The following RBFOX1 variants were observed in gnomAD, a reference collection of about 807,000 sequenced individuals.
RBFOX1 encodes the protein RNA binding fox-1 homolog 1, also known as RNA binding protein fox-1 homolog 1.
In RBFOX1, 8 loss-of-function variants were observed where a neutral mutation model predicts 57.7. The ratio of observed to expected loss-of-function variants is 0.14; its 90% CI spans 0.08 to 0.25. The LOEUF is 0.25. RBFOX1 is among the 10% of genes least tolerant of loss of function. The pLI, the probability that RBFOX1 is intolerant of heterozygous loss-of-function variation, is 1.00. For synonymous variants in RBFOX1, 326 were observed against 222.4 expected, an observed-to-expected ratio of 1.47 and a Z score of -4.15; for missense variants, 611 against 548.5, an observed-to-expected ratio of 1.11 and a Z score of -1.14.
rs576233270 is a variant in RBFOX1 at position 6,915,228 on chromosome 16, G to C, written c.-15-136829G>C. The stretch of plus-strand genomic sequence containing the variant: ...CACTCCCTTGTTCTCCTAGCAGCTG[G>C]ATGAAGCCTGTGGTCCTCAGCATTT... On this transcript the variant is annotated intron_variant, in intron 3 of 15. Transcript: ENST00000550418. Among the ~76,000 whole-genome samples the C allele has an allele frequency of 2.6e-5, 4 of 152,248 alleles. No individual in the cohort carries two copies. In the South Asian group the frequency reaches 8.3e-4, roughly 32 times the overall value.
At chr16:7,139,115 T>A (rs967107134) in intron 4 of RBFOX1, among the ~76,000 whole-genome samples, 1 of 151,876 alleles carries the variant, frequency 6.6e-6, no homozygotes, top group Non-Finnish European at 1.5e-5. Flanking sequence ...ACTTACAGAT[T>A]TTGATATTCT....
At chr16:5,544,700 A>G (rs939813269) in intron 2 of RBFOX1, among the ~76,000 whole-genome samples, 6 of 152,184 alleles carry the variant, frequency 3.9e-5, no homozygotes, top group African/African-American at 1.4e-4. Flanking sequence ...TTTGTATAGT[A>G]CATACTTATA....
chr16:7,697,232 A>G (rs1003951090), intron 14 of RBFOX1, among the ~76,000 whole-genome samples: 45 of 152,142 alleles, frequency 3.0e-4, no homozygotes, highest in African/African-American at 1.0e-3. Flanking sequence ...TGTGGGTGAG[A>G]AGTGGTCATC....
rs2046968122 is a variant in RBFOX1 at position 5,590,422 on chromosome 16, A to G, written c.259-8480A>G. Among the ~76,000 whole-genome samples, 3 of 152,206 alleles carry G rather than the reference A, an allele frequency of 2.0e-5. No homozygotes were observed. The South Asian group carries it at 6.2e-4, about 32-fold the overall frequency. ...TTTCTAAGTTGGGGGAAATGAGGGT[A>G]GCCTGAGTTCCTTGCTGAAAGTTAA... On this transcript the variant is annotated intron_variant, in intron 2 of 2. Transcript: ENST00000585867.
intron 4 of RBFOX1, among the ~76,000 whole-genome samples, chr16:7,092,353 A>G (rs988444950): frequency 1.3e-5 from 2 of 152,236 alleles, no homozygotes; most frequent in African/African-American, 2.4e-5. Context: ...TGAAGAAGGA[A>G]AAACAAAGCC....
chr16:7,346,031 A>C (rs943863787), intron 4 of RBFOX1, among the ~76,000 whole-genome samples: 2 of 151,956 alleles, frequency 1.3e-5, no homozygotes, highest in Non-Finnish European at 1.5e-5. Flanking sequence ...CCTGTGTCCA[A>C]GTGTTCTCAT....
intron 3 of RBFOX1, among the ~76,000 whole-genome samples, chr16:6,686,468 T>C (rs914414735): frequency 6.6e-6 from 1 of 152,200 alleles, no homozygotes; most frequent in Non-Finnish European, 1.5e-5. Context: ...TTTTGCATAA[T>C]TTAAGCACTA....
chr16:7,286,506 G>A (rs1248594835), intron 4 of RBFOX1, among the ~76,000 whole-genome samples: 1 of 144,004 alleles, frequency 6.9e-6, no homozygotes, highest in East Asian at 2.1e-4. Context: ...CTGGAGTACA[G>A]TGATGCCATC....
chr16:7,053,878 TTA>T (rs1000262655), intron 4 of RBFOX1, among the ~76,000 whole-genome samples: 2 of 152,120 alleles, frequency 1.3e-5, no homozygotes, highest in East Asian at 1.9e-4. Context: ...TTAAATGAAT[TTA>T]TGTTTTGAAT....
chr16:7,201,857 C>G lies in RBFOX1; in HGVS notation c.27+149759C>G, dbSNP rs114367740. ...AGCTCATTTGGGCAGTGACTGTAGA[C>G]TGTAGATCAGAGGGAGTATTGATGG... On this transcript the variant is annotated intron_variant, in intron 4 of 15. Coordinates refer to ENST00000550418, the MANE Select transcript of RBFOX1 (RefSeq NM_018723.4). Among the ~76,000 whole-genome samples the G allele has an allele frequency of 2.1e-3, 316 of 152,256 alleles. 1 individual carries two copies. The highest frequency in any genetic ancestry group is 7.2e-3 in the African/African-American group (300 of 41,560).
At chr16:7,688,260 T>TGTGAGA (rs1319185243) in intron 14 of RBFOX1, among the ~76,000 whole-genome samples, 4 of 125,294 alleles carry the variant, frequency 3.2e-5, no homozygotes, top group African/African-American at 1.2e-4. Context: ...TGTGTGTGTG[T>TGTGAGA]GAGAGAGAGA....
At chr16:7,483,658 A>G (rs1164387309) in intron 4 of RBFOX1, among the ~76,000 whole-genome samples, 1 of 152,186 alleles carries the variant, frequency 6.6e-6, no homozygotes, top group Non-Finnish European at 1.5e-5. Flanking sequence ...TTTATCTTAT[A>G]GGTTGGGAAA....
intron 4 of RBFOX1, among the ~76,000 whole-genome samples, chr16:7,460,148 G>T (rs770664938): frequency 1.3e-5 from 2 of 151,624 alleles, no homozygotes; most frequent in Non-Finnish European, 2.9e-5. Flanking sequence ...TAGTCTGATT[G>T]TATTTGCTTA....
intron 2 of RBFOX1, among the ~76,000 whole-genome samples, chr16:6,622,340 T>C (rs1484058390): frequency 6.6e-6 from 1 of 152,192 alleles, no homozygotes; most frequent in Non-Finnish European, 1.5e-5. Flanking sequence ...TTTTATATTT[T>C]TATCGTACCT....
chr16:6,375,759 C>T (rs1042503811), intron 2 of RBFOX1, among the ~76,000 whole-genome samples: 4 of 152,092 alleles, frequency 2.6e-5, no homozygotes, highest in African/African-American at 9.7e-5. Context: ...AATGAGTACC[C>T]AGAGGTTTCC....
At chr16:6,347,692 T>A (rs1567986965) in intron 2 of RBFOX1, among the ~76,000 whole-genome samples, 1 of 152,222 alleles carries the variant, frequency 6.6e-6, no homozygotes, top group Non-Finnish European at 1.5e-5. Flanking sequence ...TTATATCCTA[T>A]GTTCACAGAG....
intron 4 of RBFOX1, among the ~76,000 whole-genome samples, chr16:7,070,661 C>G (rs1209040643): frequency 1.3e-5 from 2 of 152,168 alleles, no homozygotes; most frequent in Non-Finnish European, 2.9e-5. Flanking sequence ...AGCCATCTCC[C>G]TTGGCATGAA....
At chr16:7,372,604 A>T (rs935939831) in intron 4 of RBFOX1, among the ~76,000 whole-genome samples, 1 of 152,130 alleles carries the variant, frequency 6.6e-6, no homozygotes, top group South Asian at 2.1e-4. Flanking sequence ...TTCAGAATCA[A>T]TTAGTAATGT....
chr16:5,386,837 G>C (rs1337933674), intron 1 of RBFOX1, among the ~76,000 whole-genome samples: 1 of 152,142 alleles, frequency 6.6e-6, no homozygotes, highest in Non-Finnish European at 1.5e-5. Context: ...GATCACCTGA[G>C]GTCAGGAGTT....
Sources: allele counts gnomAD v4.1 joint callset (sites outside exome capture counted in the v4.1 genomes callset), GRCh38; gene constraint gnomAD v4.1.1; transcripts MANE v1.5; gene names NCBI Gene and HGNC (gene_info 2026-07-23, HGNC 2026-07-21).